The following NALF1 variants were observed in gnomAD, a reference collection of about 807,000 sequenced individuals.
NALF1 encodes family with sequence similarity 155 member A.
In NALF1, 3 loss-of-function variants were observed where a neutral mutation model predicts 48.4. That is an observed-to-expected ratio of 0.06 (90% CI 0.03 to 0.16). The LOEUF (loss-of-function observed/expected upper bound fraction) is 0.16, where lower values mean the gene tolerates loss of function less well. Among genes scored for constraint, NALF1 ranks in the 10% least tolerant of loss-of-function variants. The probability of loss-of-function intolerance (pLI) is 1.00; values close to 1 mark genes in which losing one functional copy is unlikely to be tolerated. For missense variants in NALF1, 526 were observed against 571.5 expected, an observed-to-expected ratio of 0.92 and a Z score of 0.81; for synonymous variants, 262 against 245.7, an observed-to-expected ratio of 1.07 and a Z score of -0.62.
intron 1 of NALF1, among the ~76,000 whole-genome samples, chr13:107,249,492 T>G (rs886193928): frequency 6.6e-6 from 1 of 152,086 alleles, no homozygotes; most frequent in African/African-American, 2.4e-5. Flanking sequence ...AATATCAACT[T>G]TATGAAGCCA....
intron 1 of NALF1, among the ~76,000 whole-genome samples, chr13:107,368,741 C>G (rs1883196706): frequency 6.6e-6 from 1 of 152,192 alleles, no homozygotes; most frequent in Non-Finnish European, 1.5e-5. Context: ...TGTCAAAATC[C>G]TTAACTTCAT....
At chr13:107,501,655 G>A (rs1244047077) in intron 1 of NALF1, among the ~76,000 whole-genome samples, 3 of 152,096 alleles carry the variant, frequency 2.0e-5, no homozygotes, top group South Asian at 2.1e-4. Context: ...TTTACTTTCT[G>A]TTGAATGTGT....
At chr13:107,632,390 G>C (rs535190172) in intron 1 of NALF1, among the ~76,000 whole-genome samples, 2 of 152,090 alleles carry the variant, frequency 1.3e-5, no homozygotes, top group Non-Finnish European at 2.9e-5. Context: ...TCCTGTCCTT[G>C]GCTGATATCT....
intron 1 of NALF1, among the ~76,000 whole-genome samples, chr13:107,409,957 A>G (rs1193309422): frequency 3.9e-5 from 6 of 152,150 alleles, no homozygotes; most frequent in Non-Finnish European, 8.8e-5. Flanking sequence ...ATTTTTTCCT[A>G]TCTACTGATT....
chr13:107,224,874 AT>A (rs987131827), intron 1 of NALF1, among the ~76,000 whole-genome samples: 1 of 152,224 alleles, frequency 6.6e-6, no homozygotes, highest in African/African-American at 2.4e-5. Context: ...ATAATTTGAT[AT>A]TTTTAATGAT....
chr13:107,748,549 TC>T (rs1393445874), intron 1 of NALF1, among the ~76,000 whole-genome samples: 1 of 152,170 alleles, frequency 6.6e-6, no homozygotes, highest in African/African-American at 2.4e-5. Context: ...ATCTCCAGTG[TC>T]CAAAGCACAA....
intron 2 of NALF1, among the ~76,000 whole-genome samples, chr13:107,192,161 A>G (rs1879296559): frequency 6.6e-6 from 1 of 152,360 alleles, no homozygotes; most frequent in East Asian, 1.9e-4. Flanking sequence ...TATTTAAATA[A>G]TTGACAAAAT....
chr13:107,710,657 A>T (rs918978610), intron 1 of NALF1, among the ~76,000 whole-genome samples: 1 of 149,678 alleles, frequency 6.7e-6, no homozygotes, highest in Non-Finnish European at 1.5e-5. Context: ...CAAGAAGAGC[A>T]TGGGGGAAAC....
chr13:107,735,265 T>C (rs1003270993), intron 1 of NALF1, among the ~76,000 whole-genome samples: 1 of 152,226 alleles, frequency 6.6e-6, no homozygotes, highest in Non-Finnish European at 1.5e-5. Context: ...ACCTGGGTAG[T>C]AAAGGCATCC....
intron 1 of NALF1, among the ~76,000 whole-genome samples, chr13:107,310,314 G>C (rs975351741): frequency 1.3e-5 from 2 of 151,342 alleles, no homozygotes; most frequent in Admixed American, 1.3e-4. Context: ...GGAGGCTGAG[G>C]CATGAGAATC....
At chr13:107,692,717 A>T (rs1881594398) in intron 1 of NALF1, among the ~76,000 whole-genome samples, 1 of 152,208 alleles carries the variant, frequency 6.6e-6, no homozygotes, top group Non-Finnish European at 1.5e-5. Flanking sequence ...AGAATGGTGC[A>T]GCTGACATAT....
intron 1 of NALF1, among the ~76,000 whole-genome samples, chr13:107,456,970 T>A (rs1271469638): frequency 6.6e-6 from 1 of 152,156 alleles, no homozygotes; most frequent in Non-Finnish European, 1.5e-5. Flanking sequence ...AATTTTTTTA[T>A]TAAAGCTCAT....
chr13:107,527,982 G>T (rs1378151250), intron 1 of NALF1, among the ~76,000 whole-genome samples: 1 of 152,040 alleles, frequency 6.6e-6, no homozygotes, highest in African/African-American at 2.4e-5. Flanking sequence ...TATTTCAAAA[G>T]AAGTTAGTTT....
chr13:107,661,204 T>G (rs1274078344), intron 1 of NALF1, among the ~76,000 whole-genome samples: 7 of 152,118 alleles, frequency 4.6e-5, no homozygotes, highest in Admixed American at 2.0e-4. Context: ...GGATTTGGGT[T>G]TCAGGATTTC....
intron 1 of NALF1, among the ~76,000 whole-genome samples, chr13:107,657,896 C>T (rs1474791332): frequency 2.0e-5 from 3 of 152,124 alleles, no homozygotes; most frequent in African/African-American, 7.2e-5. Context: ...TTTAGAATTC[C>T]TTTACTTTAG....
chr13:107,721,918 T>C (rs1875998141), intron 1 of NALF1, among the ~76,000 whole-genome samples: 1 of 152,208 alleles, frequency 6.6e-6, no homozygotes, highest in African/African-American at 2.4e-5. Context: ...AACGAGGCTT[T>C]TGGCGTGCTC....
intron 1 of NALF1, among the ~76,000 whole-genome samples, chr13:107,550,929 G>A (rs763410309): frequency 1.1e-4 from 17 of 151,382 alleles, no homozygotes; most frequent in Admixed American, 3.9e-4. Context: ...TGTTTGTGCT[G>A]TTGTTTCCCC....
At chr13:107,678,655 T>A (rs1881194794) in intron 1 of NALF1, among the ~76,000 whole-genome samples, 2 of 152,168 alleles carry the variant, frequency 1.3e-5, no homozygotes, top group Non-Finnish European at 2.9e-5. Flanking sequence ...CAGTTCAGTG[T>A]GGCTGGGGAG....
chr13:107,380,544 C>G (rs1489507563), intron 1 of NALF1, among the ~76,000 whole-genome samples: 1 of 152,170 alleles, frequency 6.6e-6, no homozygotes, highest in Admixed American at 6.5e-5. Context: ...CCCCGGCCCC[C>G]ACACTCTTTT....
Sources: allele counts gnomAD v4.1 joint callset (sites outside exome capture counted in the v4.1 genomes callset), GRCh38; gene constraint gnomAD v4.1.1; transcripts MANE v1.5; gene names NCBI Gene and HGNC (gene_info 2026-07-23, HGNC 2026-07-21).